STK32A: variants seen among roughly 807,000 people sequenced by gnomAD.
The protein encoded by STK32A is serine/threonine kinase 32A.
Under a neutral mutation model 53.2 loss-of-function variants are expected in STK32A, and 41 were observed. That is an observed-to-expected ratio of 0.77 (90% CI 0.60 to 1.00). The LOEUF is 1.00. Ranked by LOEUF, STK32A falls within the 50% of genes least tolerant of loss-of-function variation. STK32A has a pLI of 0.00. For synonymous variants in STK32A, 166 were observed against 162.8 expected, an observed-to-expected ratio of 1.02 and a Z score of -0.15; for missense variants, 458 against 485.8, an observed-to-expected ratio of 0.94 and a Z score of 0.54.
chr5:147,328,921 T>C (rs1036022358), intron 5 of STK32A, among the ~76,000 whole-genome samples: 1 of 152,158 alleles, frequency 6.6e-6, no homozygotes. Context: ...TAGTAAGTCA[T>C]TTTGGGTCAA....
the STK32A span, chr5:147,401,750 G>T: frequency 5.2e-5 from 83 of 1,597,814 alleles, no homozygotes; most frequent in Non-Finnish European, 6.3e-5. Flanking sequence ...TGCTGCACTG[G>T]GCCAAGCCTA....
chr5:147,249,094 A>T (rs1753871915), intron 2 of STK32A, among the ~76,000 whole-genome samples: 1 of 152,188 alleles, frequency 6.6e-6, no homozygotes, highest in African/African-American at 2.4e-5. Flanking sequence ...GAAGAGAAAA[A>T]TTAGGACAAT....
chr5:147,297,736 G>C (rs1213612533), intron 4 of STK32A, among the ~76,000 whole-genome samples: 1 of 152,156 alleles, frequency 6.6e-6, no homozygotes, highest in African/African-American at 2.4e-5. Context: ...CCAGCACTTT[G>C]GGAGGCCAAG....
intron 12 of STK32A, 69 bp downstream of exon 12, chr5:147,383,574 A>C (rs1263601247): frequency 4.2e-6 from 5 of 1,194,476 alleles, no homozygotes; most frequent in Non-Finnish European, 5.9e-6. Flanking sequence ...TTACTTGCAG[A>C]GAAAATATAT....
At chr5:147,367,119 G>A (rs564671140) in intron 8 of STK32A, among the ~76,000 whole-genome samples, 3 of 151,652 alleles carry the variant, frequency 2.0e-5, no homozygotes, top group East Asian at 1.9e-4. Flanking sequence ...AGGCTGGAGT[G>A]CAATGGCCCA....
intron 1 of STK32A, among the ~76,000 whole-genome samples, chr5:147,238,423 GT>G (rs1753416824): frequency 6.6e-6 from 1 of 152,148 alleles, no homozygotes; most frequent in Non-Finnish European, 1.5e-5. Flanking sequence ...GAGGTGAGAG[GT>G]TACATAACTG....
intron 2 of STK32A, among the ~76,000 whole-genome samples, chr5:147,259,109 T>TCC (rs1754374436): frequency 6.6e-6 from 1 of 152,170 alleles, no homozygotes; most frequent in South Asian, 2.1e-4. Flanking sequence ...CTGAAGGGAT[T>TCC]TAGATCCCCT....
chr5:147,366,001 A>C (rs562099764), intron 8 of STK32A, among the ~76,000 whole-genome samples: 1 of 152,082 alleles, frequency 6.6e-6, no homozygotes, highest in African/African-American at 2.4e-5. Flanking sequence ...TTTTTTGTTA[A>C]GAAAAAGAAA....
chr5:147,276,387 AT>A (rs1755262006), intron 2 of STK32A, among the ~76,000 whole-genome samples: 1 of 152,160 alleles, frequency 6.6e-6, no homozygotes, highest in Non-Finnish European at 1.5e-5. Flanking sequence ...TTTCTATTCT[AT>A]TTAATTAAAT....
intron 7 of STK32A, 94 bp downstream of exon 7, chr5:147,351,248 T>TAAG: frequency 9.4e-7 from 1 of 1,067,830 alleles, no homozygotes; most frequent in South Asian, 1.4e-5. Context: ...CTAGAACTGG[T>TAAG]AAGTTCCTCT....
chr5:147,300,206 A>G (rs1438774429), intron 4 of STK32A, among the ~76,000 whole-genome samples: 1 of 152,222 alleles, frequency 6.6e-6, no homozygotes, highest in Non-Finnish European at 1.5e-5. Flanking sequence ...CCTGGTTGAT[A>G]GGGATTATTA....
chr5:147,301,386 T>C (rs1402074794), intron 4 of STK32A, among the ~76,000 whole-genome samples: 1 of 152,112 alleles, frequency 6.6e-6, no homozygotes, highest in Non-Finnish European at 1.5e-5. Flanking sequence ...TGAAGCACCA[T>C]CTCAAGATAT....
intron 4 of STK32A, among the ~76,000 whole-genome samples, chr5:147,319,173 C>T (rs1423174976): frequency 6.3e-5 from 9 of 142,874 alleles, no homozygotes; most frequent in African/African-American, 1.0e-4. Flanking sequence ...GACGGAGTCT[C>T]GCTGTGTCGC....
chr5:147,355,686 T>A (rs1756194786), intron 7 of STK32A, among the ~76,000 whole-genome samples: 1 of 150,948 alleles, frequency 6.6e-6, no homozygotes, highest in Admixed American at 6.6e-5. Context: ...TCAAAAAAAA[T>A]AAAATGAATA....
chr5:147,297,831 T>A lies in STK32A; in HGVS notation c.260+18433T>A, dbSNP rs931158997. ...CGTCTCTACTAAAAAATACAAAAAA[T>A]TAGCTGAATGTGGTGGCACGTGCCT... On this transcript the variant is annotated intron_variant, in intron 4 of 12. Transcript: ENST00000397936. Among the ~76,000 whole-genome samples the A allele has an allele frequency of 5.3e-5, 8 of 151,990 alleles. No homozygotes were observed. In the East Asian group the frequency reaches 1.5e-3, roughly 29 times the overall value.
At chr5:147,343,280 A>G (rs757072659) in intron 6 of STK32A, 3 of 701,550 alleles carry the variant, frequency 4.3e-6, no homozygotes, top group Admixed American at 3.7e-5. Context: ...AGTCTACTCA[A>G]TTTTCTTCCA....
chr5:147,342,831 A>T, intron 5 of STK32A, 175 bp from the exon 6 acceptor site: 1 of 582,498 alleles, frequency 1.7e-6, no homozygotes, highest in East Asian at 2.8e-5. Flanking sequence ...CTGATTTAAA[A>T]ATTGGGGATT....
chr5:147,308,035 T>C (rs1290505716), intron 4 of STK32A, among the ~76,000 whole-genome samples: 1 of 152,184 alleles, frequency 6.6e-6, no homozygotes, highest in African/African-American at 2.4e-5. Flanking sequence ...TTTCAATTTG[T>C]ATTTTAAAGC....
At chr5:147,343,098 A>G in intron 6 of STK32A, 55 bp downstream of exon 6, 1 of 1,586,314 alleles carries the variant, frequency 6.3e-7, no homozygotes, top group South Asian at 1.1e-5. Flanking sequence ...AGAAAAGTTG[A>G]TTGTTCCCAG....
Sources: allele counts gnomAD v4.1 joint callset (sites outside exome capture counted in the v4.1 genomes callset), GRCh38; gene constraint gnomAD v4.1.1; transcripts MANE v1.5; gene names NCBI Gene and HGNC (gene_info 2026-07-23, HGNC 2026-07-21).